TENM1: variants seen among roughly 807,000 people sequenced by gnomAD.
TENM1 encodes the protein teneurin transmembrane protein 1.
Under a neutral mutation model 174.8 loss-of-function variants are expected in TENM1, and 35 were observed. The observed-to-expected ratio is 0.20, with a 90% CI of 0.15 to 0.27. The LOEUF (loss-of-function observed/expected upper bound fraction) is 0.27. Among genes scored for constraint, TENM1 ranks in the 10% least tolerant of loss-of-function variants. The probability of loss-of-function intolerance (pLI) is 1.00; values close to 1 mark genes in which losing one functional copy is unlikely to be tolerated. For missense variants in TENM1, 1,633 were observed against 2,130.1 expected (o/e 0.77, Z 4.59); for synonymous variants, 781 against 798.7 (o/e 0.98, Z 0.37).
intron 5 of TENM1, among the ~76,000 whole-genome samples, chrX:124,701,371 A>C (rs1365876155): frequency 9.0e-6 from 1 of 111,577 alleles, no homozygotes; most frequent in Non-Finnish European, 1.9e-5. Flanking sequence ...CAATCTGCTG[A>C]CTGTGAAGAA....
intron 1 of TENM1, among the ~76,000 whole-genome samples, chrX:124,921,215 T>C (rs2058016170): frequency 9.1e-6 from 1 of 110,051 alleles, no homozygotes. Context: ...ATTCTCATTA[T>C]TACAATTAAA....
intron 3 of TENM1, among the ~76,000 whole-genome samples, chrX:124,890,397 T>C (rs1298745627): frequency 8.9e-6 from 1 of 111,950 alleles, no homozygotes; most frequent in Non-Finnish European, 1.9e-5. Flanking sequence ...TATTAGAAAG[T>C]AAAGATGGGA....
At chrX:125,172,463 G>T in the TENM1 span, among the ~76,000 whole-genome samples, 1 of 111,291 alleles carries the variant, frequency 9.0e-6, no homozygotes, top group Non-Finnish European at 1.9e-5. Context: ...TTACATAGAA[G>T]CTGTTGTTTA....
chrX:125,159,442 T>C, the TENM1 span, among the ~76,000 whole-genome samples: 2 of 112,258 alleles, frequency 1.8e-5, no homozygotes, highest in African/African-American at 6.5e-5. Flanking sequence ...ACTGGTGTTA[T>C]AACACCAATC....
chrX:124,457,363 G>A (rs1402097682), intron 22 of TENM1, among the ~76,000 whole-genome samples: 1 of 111,797 alleles, frequency 8.9e-6, no homozygotes, highest in African/African-American at 3.2e-5. Flanking sequence ...GGAGAGACCT[G>A]CTCATAAATA....
intron 3 of TENM1, among the ~76,000 whole-genome samples, chrX:124,829,599 A>G (rs1434817709): frequency 8.9e-6 from 1 of 112,053 alleles, no homozygotes; most frequent in Non-Finnish European, 1.9e-5. Context: ...AAGATATTAC[A>G]TTCTTCAAGC....
At chrX:124,555,828 G>A (rs1039035480) in intron 14 of TENM1, among the ~76,000 whole-genome samples, 3 of 111,902 alleles carry the variant, frequency 2.7e-5, no homozygotes, top group Admixed American at 9.5e-5. Flanking sequence ...AATTAATCTT[G>A]TTTGTGCTCT....
chrX:124,653,772 C>G, exon 7 of TENM1: 2 of 1,203,597 alleles, frequency 1.7e-6, no homozygotes, highest in Non-Finnish European at 2.2e-6. Context: ...ATCGCCCGTC[C>G]CTTCTGAAAC....
chrX:124,791,654 C>A (rs1356018469), intron 3 of TENM1, among the ~76,000 whole-genome samples: 1 of 111,459 alleles, frequency 9.0e-6, no homozygotes, highest in Non-Finnish European at 1.9e-5. Context: ...TATCAAACAT[C>A]AAAAATGTAG....
the TENM1 span, among the ~76,000 whole-genome samples, chrX:125,103,633 C>T: frequency 2.7e-5 from 3 of 112,493 alleles, no homozygotes; most frequent in African/African-American, 9.7e-5. Flanking sequence ...AAGCATCTTT[C>T]TACAACTCAA....
At chrX:125,085,866 C>A in the TENM1 span, among the ~76,000 whole-genome samples, 1 of 110,969 alleles carries the variant, frequency 9.0e-6, no homozygotes, top group African/African-American at 3.3e-5. Flanking sequence ...TGAAATCCAG[C>A]ATCTTTTTCT....
At chrX:124,705,278 C>G (rs1350578950) in intron 4 of TENM1, 27 bp from the exon 8 acceptor site, 2 of 1,097,185 alleles carry the variant, frequency 1.8e-6, no homozygotes, top group South Asian at 2.1e-5. Context: ...CAAGTTTGGG[C>G]TATAAAAAGC....
intron 15 of TENM1, among the ~76,000 whole-genome samples, chrX:124,541,510 G>A (rs777732006): frequency 4.5e-5 from 5 of 112,075 alleles, no homozygotes; most frequent in South Asian, 3.7e-4. Flanking sequence ...AAAGCTTCCC[G>A]AGGCATCACC....
intron 3 of TENM1, among the ~76,000 whole-genome samples, chrX:124,749,960 T>C (rs1041547422): frequency 4.8e-4 from 54 of 111,977 alleles, no homozygotes; most frequent in African/African-American, 1.7e-3. Flanking sequence ...ACACATTCAG[T>C]TAATGTTAGT....
At chrX:125,153,801 A>C in the TENM1 span, among the ~76,000 whole-genome samples, 1 of 112,462 alleles carries the variant, frequency 8.9e-6, no homozygotes, top group Non-Finnish European at 1.9e-5. Context: ...AGCAGAGATG[A>C]ATAATGCACA....
intron 6 of TENM1, among the ~76,000 whole-genome samples, chrX:124,662,697 C>G (rs1375222178): frequency 4.5e-5 from 5 of 111,150 alleles, no homozygotes; most frequent in South Asian, 3.8e-4. Context: ...TCCTCAAGAT[C>G]ACTAGGAGTG....
At chrX:124,402,771 C>T (rs2060414415) in intron 27 of TENM1, among the ~76,000 whole-genome samples, 3 of 110,701 alleles carry the variant, frequency 2.7e-5, no homozygotes, top group Admixed American at 1.9e-4. Context: ...ATCATGTCTT[C>T]AATACAATTT....
chrX:124,423,958 G>A (rs1240765337), intron 23 of TENM1, among the ~76,000 whole-genome samples: 1 of 111,436 alleles, frequency 9.0e-6, no homozygotes, highest in African/African-American at 3.3e-5. Context: ...CAGGACTGAT[G>A]TCTCTCCAAT....
intron 11 of TENM1, among the ~76,000 whole-genome samples, chrX:124,574,061 C>T (rs1231030150): frequency 8.9e-6 from 1 of 112,006 alleles, no homozygotes; most frequent in Admixed American, 9.5e-5. Flanking sequence ...TATAAACATT[C>T]TTCTGTGCAA....
Sources: allele counts gnomAD v4.1 joint callset (sites outside exome capture counted in the v4.1 genomes callset), GRCh38; gene constraint gnomAD v4.1.1; transcripts MANE v1.5; gene names NCBI Gene and HGNC (gene_info 2026-07-23, HGNC 2026-07-21).